PIAS2: variants seen among roughly 807,000 people sequenced by gnomAD.
PIAS2 encodes E3 SUMO-protein ligase PIAS2.
In PIAS2, 19 loss-of-function variants were observed where a neutral mutation model predicts 69.7. The observed-to-expected ratio is 0.27, with a 90% confidence interval of 0.19 to 0.40. PIAS2 has a LOEUF of 0.40. Ranked by LOEUF, PIAS2 falls within the 10% of genes least tolerant of loss-of-function variation. The pLI is 1.00. For missense variants in PIAS2, 624 were observed against 757.0 expected, an observed-to-expected ratio of 0.82 and a Z score of 2.06; for synonymous variants, 261 against 263.2, an observed-to-expected ratio of 0.99 and a Z score of 0.08.
intron 9 of PIAS2, among the ~76,000 whole-genome samples, chr18:46,834,483 TAA>T (rs1314773414): frequency 1.3e-5 from 2 of 152,214 alleles, no homozygotes; most frequent in African/African-American, 2.4e-5. Flanking sequence ...AGGCAATTTG[TAA>T]AAGATATTAT....
At chr18:46,876,995 C>T (rs115569866) in intron 2 of PIAS2, among the ~76,000 whole-genome samples, 4,699 of 152,208 alleles carry the variant, frequency 0.031, 207 homozygotes, top group African/African-American at 0.1. Flanking sequence ...CCACAGTGCC[C>T]GGCCTCCTTC....
rs938136179 is a variant in PIAS2, at chr18:46,838,524, G to A, written c.1042-2007C>T. ...GGGAGCCTCGAAATTACTGTGATTC[G>A]ATCAAGGTATGTGGCACGATATAAC... On this transcript the variant is annotated intron_variant, in intron 8 of 13. Transcript: ENST00000585916. 3.9e-5 allele frequency among the ~76,000 whole-genome samples: 6 copies of A among 152,132 alleles called. No individual in the cohort carries two copies. In the South Asian group the frequency reaches 1.0e-3, roughly 26 times the overall value.
Position 46,803,569 on chromosome 18 carries a change from T to C in PIAS2, c.*8864A>G, listed in dbSNP as rs1240826990. On this transcript the variant is annotated 3_prime_UTR_variant, in exon 14 of 14. Transcript: ENST00000585916. Reference sequence around the variant, plus strand: ...CAATTGGTAGGATATGTCTATAGCTTGTCAAATAGCAGGTGGGCATGTCTT... The same window carrying C: ...CAATTGGTAGGATATGTCTATAGCTCGTCAAATAGCAGGTGGGCATGTCTT... 1 of 152,184 alleles carries C rather than the reference T, an allele frequency of 6.6e-6. No individual in the cohort carries two copies. Among genetic ancestry groups the C allele is most frequent in the African/African-American group, 2.4e-5 (1 of 41,452 alleles). The allele number at this position is 152,184 out of a possible 1,614,324, so 9.4% of individuals were successfully genotyped here. A position where few individuals can be genotyped will look rare whatever the true frequency, so the allele number is the denominator to read the frequency against.
At position 46,806,767 on chromosome 18, in the gene PIAS2, A is replaced by G. The variant is rs180737347; in HGVS notation, c.*5666T>C. ...TTACAAAACACTCTAAACATTTATT[A>G]AACAGTTTGATGAAGGCCAAAATAA... On this transcript the variant is annotated 3_prime_UTR_variant, in exon 14 of 14. Coordinates refer to ENST00000585916, the MANE Select transcript of PIAS2 (RefSeq NM_004671.5). 3.9e-5 allele frequency: 6 copies of G among 152,334 alleles called. No homozygotes were observed. Among genetic ancestry groups the G allele is most frequent in the Admixed American group, 3.9e-4 (6 of 15,302 alleles). The allele number at this position is 152,334 out of a possible 1,614,324, so 9.4% of individuals were successfully genotyped here.
chr18:46,861,045 C>T (rs550092125), intron 3 of PIAS2, among the ~76,000 whole-genome samples: 17 of 151,936 alleles, frequency 1.1e-4, no homozygotes, highest in South Asian at 6.2e-4. Context: ...TTTGGGAGGC[C>T]GAGGCAGGCG....
At chr18:46,830,182 C>T (rs2043393853) in intron 9 of PIAS2, among the ~76,000 whole-genome samples, 1 of 151,754 alleles carries the variant, frequency 6.6e-6, no homozygotes, top group Admixed American at 6.6e-5. Context: ...ACCTCTAACA[C>T]AGCACAAAAA....
At chr18:46,906,779 G>T (rs985290800) in intron 1 of PIAS2, among the ~76,000 whole-genome samples, 3 of 144,846 alleles carry the variant, frequency 2.1e-5, no homozygotes, top group African/African-American at 5.0e-5. Context: ...TGTGTGGGGG[G>T]GGGGGGAGGT....
Position 46,810,469 on chromosome 18 carries a change from A to C in PIAS2, c.*1964T>G, listed in dbSNP as rs1187070496. On this transcript the variant is annotated 3_prime_UTR_variant, in exon 14 of 14. Coordinates refer to ENST00000585916, the MANE Select transcript of PIAS2 (RefSeq NM_004671.5). ...TAGAGCAGCAACATAAAACTTTATTAGAAAGAAATACTATATCTGGACCAA... is the reference window on the plus strand; with the variant it reads ...TAGAGCAGCAACATAAAACTTTATTCGAAAGAAATACTATATCTGGACCAA... 6.6e-6 allele frequency: 1 copy of C among 152,194 alleles called. No individual in the cohort carries two copies. Among genetic ancestry groups the C allele is most frequent in the Non-Finnish European group, 1.5e-5 (1 of 68,038 alleles). 9.4% of individuals were successfully genotyped at this position (152,194 alleles called of 1,614,324 possible).
chr18:46,901,351 G>C (rs1439389153), intron 1 of PIAS2: 5 of 256,736 alleles, frequency 1.9e-5, no homozygotes, highest in South Asian at 3.6e-5. Context: ...GGACGTTGTG[G>C]TGAGCCAGGA....
intron 1 of PIAS2, among the ~76,000 whole-genome samples, chr18:46,897,652 G>C (rs1233890380): frequency 6.6e-6 from 1 of 152,092 alleles, no homozygotes; most frequent in Non-Finnish European, 1.5e-5. Context: ...AATGCTAGAA[G>C]GGCATTTGAT....
chr18:46,807,383 A>ATATATATATATATATATTTT lies in PIAS2; in HGVS notation c.*5049_*5050insAAAATATATATATATATATA, dbSNP rs869149927. Reference sequence around the variant, plus strand: ...TATATATATATATATATATATATATATTTTTTTTTTTTTTTTTTTTTTTTT... The same window carrying ATATATATATATATATATTTT: ...TATATATATATATATATATATATATATATATATATATATATATTTTTTTTTTTTTTTTTTTTTTTTTTTTT... On this transcript the variant is annotated 3_prime_UTR_variant, in exon 14 of 14. Coordinates refer to ENST00000585916, the MANE Select transcript of PIAS2 (RefSeq NM_004671.5). The ATATATATATATATATATTTT allele has an allele frequency of 8.6e-5, 1 of 11,600 alleles. No individual in the cohort carries two copies. The highest frequency in any genetic ancestry group is 5.4e-4 in the African/African-American group (1 of 1,846). 0.7% of individuals were successfully genotyped at this position (11,600 alleles called of 1,614,324 possible).
At chr18:46,833,872 A>T (rs1010870160) in intron 9 of PIAS2, among the ~76,000 whole-genome samples, 2 of 152,184 alleles carry the variant, frequency 1.3e-5, no homozygotes, top group Admixed American at 1.3e-4. Context: ...TATTCAAGTA[A>T]ATGTGGTTGA....
chr18:46,869,199 G>A (rs975741573), intron 2 of PIAS2, among the ~76,000 whole-genome samples: 29 of 152,166 alleles, frequency 1.9e-4, no homozygotes, highest in South Asian at 4.1e-4. Context: ...TTAAATTCCC[G>A]TGAGGGAAGC....
chr18:46,878,753 A>G (rs2051676041), intron 2 of PIAS2, among the ~76,000 whole-genome samples: 1 of 152,228 alleles, frequency 6.6e-6, no homozygotes, highest in Non-Finnish European at 1.5e-5. Flanking sequence ...CTGTAAGCCC[A>G]GCTACTCAGG....
intron 1 of PIAS2, among the ~76,000 whole-genome samples, chr18:46,897,695 A>G (rs1045008360): frequency 2.6e-5 from 4 of 152,184 alleles, no homozygotes; most frequent in Non-Finnish European, 5.9e-5. Context: ...AAATCTCTCA[A>G]TAAACAAGAA....
intron 13 of PIAS2, among the ~76,000 whole-genome samples, chr18:46,813,898 G>A (rs2041235098): frequency 6.6e-6 from 1 of 152,136 alleles, no homozygotes; most frequent in Non-Finnish European, 1.5e-5. Context: ...CTCTAAAGAT[G>A]GTTGAATTGT....
rs577568701 is a variant in PIAS2 at position 46,886,834 on chromosome 18, TC to T, written c.499+3745del. Among the ~76,000 whole-genome samples, 400 of 145,464 alleles carry T rather than the reference TC, an allele frequency of 2.7e-3. 1 individual carries two copies. Among genetic ancestry groups the T allele is most frequent in the African/African-American group, 9.3e-3 (359 of 38,688 alleles). On this transcript the variant is annotated intron_variant, in intron 2 of 13. Coordinates refer to ENST00000585916, the MANE Select transcript of PIAS2 (RefSeq NM_004671.5). ...TCCTGGGCGACAGAACAAGACTCTG[TC>T]CCCCCCCTCCAAAAAAAAACAAATA...
chr18:46,912,456 C>T (rs2057373516), intron 1 of PIAS2, among the ~76,000 whole-genome samples: 1 of 152,014 alleles, frequency 6.6e-6, no homozygotes, highest in South Asian at 2.1e-4. Context: ...ACCTTTTTTC[C>T]TGAATATTTT....
chr18:46,823,536 A>G (rs2042431173), intron 11 of PIAS2, among the ~76,000 whole-genome samples: 1 of 152,186 alleles, frequency 6.6e-6, no homozygotes, highest in Admixed American at 6.5e-5. Flanking sequence ...GTAACACCTA[A>G]TAACTGTACG....
Sources: gnomAD v4.1 joint callset for allele counts (sites outside exome capture counted in the v4.1 genomes callset) on GRCh38, gnomAD v4.1.1 for gene constraint, MANE v1.5 for transcripts, NCBI Gene and HGNC (gene_info 2026-07-23, HGNC 2026-07-21) for gene names.